The following TENM3 variants were observed in gnomAD, a reference collection of about 807,000 sequenced individuals.
TENM3 encodes teneurin-3.
Under a neutral mutation model 255.1 loss-of-function variants are expected in TENM3, and 63 were observed. That is an observed-to-expected ratio of 0.25 (90% CI 0.20 to 0.30). TENM3 has a LOEUF of 0.30. Among genes scored for constraint, TENM3 ranks in the 10% least tolerant of loss-of-function variants. TENM3 has a pLI of 1.00. For missense variants in TENM3, 2,929 were observed against 3,461.1 expected, an observed-to-expected ratio of 0.85 and a Z score of 3.86; for synonymous variants, 1,306 against 1,322.3, an observed-to-expected ratio of 0.99 and a Z score of 0.27.
chr4:182,526,216 G>T (rs1200344841), intron 3 of TENM3, among the ~76,000 whole-genome samples: 1 of 151,896 alleles, frequency 6.6e-6, no homozygotes, highest in African/African-American at 2.4e-5. Flanking sequence ...TCCTGACCTC[G>T]TGATCCACCC....
chr4:182,139,955 T>C (rs949676731), upstream of TENM3, among the ~76,000 whole-genome samples: 7 of 152,376 alleles, frequency 4.6e-5, no homozygotes, highest in South Asian at 1.2e-3. Flanking sequence ...GAGAGGCTTA[T>C]CTTGCTTTAA....
rs78920948 is a variant in TENM3, at chr4:182,260,771, T to C, written c.-76+17295T>C. ...AAATCAAATCAACATACTGAACTCA[T>C]ATAATACTGACAACTATGAAAAATC... is the stretch of plus-strand genomic sequence containing the variant. On this transcript the variant is annotated intron_variant, in intron 1 of 27. Coordinates refer to ENST00000511685, the MANE Select transcript of TENM3 (RefSeq NM_001080477.4). 0.011 allele frequency among the ~76,000 whole-genome samples: 1,686 copies of C among 152,332 alleles called. 84 individuals carry two copies. In the East Asian group the frequency reaches 0.14, roughly 13 times the overall value.
At chr4:182,687,702 G>A (rs1756690836) in intron 11 of TENM3, among the ~76,000 whole-genome samples, 1 of 152,112 alleles carries the variant, frequency 6.6e-6, no homozygotes, top group Non-Finnish European at 1.5e-5. Context: ...TGTGGCATTA[G>A]AAACAACCCC....
chr4:182,560,924 C>T (rs974323086), intron 3 of TENM3, among the ~76,000 whole-genome samples: 1 of 152,170 alleles, frequency 6.6e-6, no homozygotes, highest in Non-Finnish European at 1.5e-5. Context: ...TGAGTGTTGA[C>T]ATATGTACGT....
intron 1 of TENM3, among the ~76,000 whole-genome samples, chr4:182,278,765 T>G (rs2150256918): frequency 6.6e-6 from 1 of 152,282 alleles, no homozygotes; most frequent in Non-Finnish European, 1.5e-5. Flanking sequence ...GGAGCTGGCC[T>G]GTCATCAATA....
intron 3 of TENM3, among the ~76,000 whole-genome samples, chr4:182,474,846 C>T (rs986742406): frequency 6.6e-6 from 1 of 151,814 alleles, no homozygotes; most frequent in Non-Finnish European, 1.5e-5. Flanking sequence ...TTGAACTTAC[C>T]TGGTTTATGT....
the TENM3 span, among the ~76,000 whole-genome samples, chr4:181,793,294 G>A: frequency 6.6e-6 from 1 of 152,176 alleles, no homozygotes; most frequent in East Asian, 1.9e-4. Flanking sequence ...TTCACCTGGT[G>A]TTTTTGATTC....
At chr4:181,548,223 C>G in the TENM3 span, among the ~76,000 whole-genome samples, 1 of 152,178 alleles carries the variant, frequency 6.6e-6, no homozygotes, top group Non-Finnish European at 1.5e-5. Context: ...GGACTGTAAA[C>G]TAGTTCAACC....
At chr4:181,601,978 A>G in the TENM3 span, among the ~76,000 whole-genome samples, 2 of 148,010 alleles carry the variant, frequency 1.4e-5, no homozygotes, top group Admixed American at 1.3e-4. Context: ...TTGTCTTTGG[A>G]TGTAGGGTCC....
chr4:182,014,077 T>C, the TENM3 span, among the ~76,000 whole-genome samples: 2 of 99,454 alleles, frequency 2.0e-5, no homozygotes, highest in Non-Finnish European at 2.3e-5. Flanking sequence ...TATACACATA[T>C]ATACGTATAT....
chr4:181,530,460 A>G, the TENM3 span, among the ~76,000 whole-genome samples: 1 of 152,164 alleles, frequency 6.6e-6, no homozygotes, highest in African/African-American at 2.4e-5. Flanking sequence ...ACAGGTGTAG[A>G]TGAGTTGCAA....
chr4:182,606,692 T>G (rs1397361667), intron 4 of TENM3, among the ~76,000 whole-genome samples: 1 of 152,192 alleles, frequency 6.6e-6, no homozygotes, highest in Non-Finnish European at 1.5e-5. Flanking sequence ...AGATAAAGTT[T>G]CAAAGATGGT....
At chr4:181,706,830 C>T in the TENM3 span, among the ~76,000 whole-genome samples, 6 of 152,272 alleles carry the variant, frequency 3.9e-5, no homozygotes, top group African/African-American at 9.6e-5. Context: ...TTTTCTCCAT[C>T]GCGGGGCCGT....
chr4:182,538,405 G>A (rs1197837685), intron 3 of TENM3, among the ~76,000 whole-genome samples: 1 of 152,198 alleles, frequency 6.6e-6, no homozygotes, highest in Non-Finnish European at 1.5e-5. Context: ...TGAAGGGTGA[G>A]GACATACCTG....
At chr4:181,857,572 AAAAC>A in the TENM3 span, among the ~76,000 whole-genome samples, 3 of 43,044 alleles carry the variant, frequency 7.0e-5, no homozygotes, top group African/African-American at 5.5e-4. Flanking sequence ...AAAAAAAAAA[AAAAC>A]AAAACAAAAC....
At chr4:181,493,246 G>C in the TENM3 span, among the ~76,000 whole-genome samples, 2 of 148,126 alleles carry the variant, frequency 1.4e-5, no homozygotes, top group African/African-American at 5.0e-5. Flanking sequence ...CAGTGAGCTA[G>C]GATCATGTCA....
chr4:181,961,118 C>T, the TENM3 span, among the ~76,000 whole-genome samples: 1 of 152,166 alleles, frequency 6.6e-6, no homozygotes, highest in Non-Finnish European at 1.5e-5. Flanking sequence ...TGGGCACCCA[C>T]TACCTTAAAA....
the TENM3 span, among the ~76,000 whole-genome samples, chr4:181,672,485 T>G: frequency 6.6e-6 from 1 of 152,124 alleles, no homozygotes; most frequent in Admixed American, 6.5e-5. Flanking sequence ...TGAAGTGATA[T>G]TCACTTCCCT....
At chr4:182,794,916 A>C (rs1766384182) in intron 26 of TENM3, among the ~76,000 whole-genome samples, 1 of 151,106 alleles carries the variant, frequency 6.6e-6, no homozygotes, top group Non-Finnish European at 1.5e-5. Flanking sequence ...TACCACATTT[A>C]TATTTCCAGG....
Sources: gnomAD v4.1 joint callset for allele counts (sites outside exome capture counted in the v4.1 genomes callset) on GRCh38, gnomAD v4.1.1 for gene constraint, MANE v1.5 for transcripts, NCBI Gene and HGNC (gene_info 2026-07-23, HGNC 2026-07-21) for gene names.